The following PTP4A1 variants were observed in gnomAD, a reference collection of about 807,000 sequenced individuals.
PTP4A1 encodes protein tyrosine phosphatase 4A1.
Under a neutral mutation model 20.5 loss-of-function variants are expected in PTP4A1, and 9 were observed. The ratio of observed to expected loss-of-function variants is 0.44; its 90% CI spans 0.26 to 0.77. PTP4A1 has a LOEUF of 0.77. PTP4A1 is among the 30% of genes least tolerant of loss of function. The pLI is 0.19. For missense variants in PTP4A1, 137 were observed against 218.8 expected (o/e 0.63, Z 2.36); for synonymous variants, 78 against 67.4 (o/e 1.16, Z -0.77).
chr6:63,557,880 G>T (rs984727556), intron 3 of PTP4A1, among the ~76,000 whole-genome samples: 1 of 151,946 alleles, frequency 6.6e-6, no homozygotes, highest in Non-Finnish European at 1.5e-5. Flanking sequence ...TTTTTAAAAT[G>T]ATACTGAACA....
chr6:63,537,880 A>C (rs1184136893), intron 2 of PTP4A1, among the ~76,000 whole-genome samples: 1 of 152,170 alleles, frequency 6.6e-6, no homozygotes. Context: ...AGTGAGAGAG[A>C]AGTTGGGGAG....
chr6:63,542,335 G>A (rs182758964), intron 2 of PTP4A1, among the ~76,000 whole-genome samples: 5 of 151,884 alleles, frequency 3.3e-5, no homozygotes, highest in East Asian at 1.9e-4. Flanking sequence ...TATACTGCTC[G>A]GGTGATGGGT....
upstream of PTP4A1, among the ~76,000 whole-genome samples, chr6:63,518,591 C>T (rs1774814448): frequency 6.6e-6 from 1 of 152,098 alleles, no homozygotes; most frequent in Non-Finnish European, 1.5e-5. Context: ...AAATGTAATG[C>T]TCAGTGATGT....
intron 1 of PTP4A1, among the ~76,000 whole-genome samples, chr6:63,526,920 T>C (rs1775215065): frequency 6.6e-6 from 1 of 151,344 alleles, no homozygotes; most frequent in Admixed American, 6.6e-5. Flanking sequence ...GTTGGATTTA[T>C]ATGTAAGGGC....
chr6:63,547,508 T>C (rs1776248235), intron 2 of PTP4A1, among the ~76,000 whole-genome samples: 1 of 142,010 alleles, frequency 7.0e-6, no homozygotes, highest in South Asian at 2.3e-4. Context: ...ATTTTTTTTT[T>C]TTTTTTTTTT....
chr6:63,576,688 T>TA lies in PTP4A1; in HGVS notation c.-192dup. 3.3e-6 allele frequency: 2 copies of TA among 602,526 alleles called. No individual in the cohort carries two copies. Among genetic ancestry groups the TA allele is most frequent in the Non-Finnish European group, 2.9e-6 (1 of 343,360 alleles). 37.3% of individuals were successfully genotyped at this position (602,526 alleles called of 1,614,324 possible). A position where few individuals can be genotyped will look rare whatever the true frequency, so the allele number is the denominator to read the frequency against. Reference sequence around the variant, plus strand: ...ACTTCTTTTCTGTTGGCCTCAGTATTACTGGATTGAAGAATTGCTGCTTCT... The same window carrying TA: ...ACTTCTTTTCTGTTGGCCTCAGTATTAACTGGATTGAAGAATTGCTGCTTCT... On this transcript the variant is annotated 5_prime_UTR_variant, in exon 2 of 6. Coordinates refer to ENST00000626021, the MANE Select transcript of PTP4A1 (RefSeq NM_003463.5).
At chr6:63,551,464 C>T (rs1342446459) in intron 3 of PTP4A1, among the ~76,000 whole-genome samples, 1 of 152,178 alleles carries the variant, frequency 6.6e-6, no homozygotes, top group East Asian at 1.9e-4. Context: ...TATGCATTTT[C>T]ACCTATTTCT....
chr6:63,544,444 A>C (rs1349229379), intron 2 of PTP4A1, among the ~76,000 whole-genome samples: 1 of 152,172 alleles, frequency 6.6e-6, no homozygotes, highest in African/African-American at 2.4e-5. Flanking sequence ...ATTCTCTTAC[A>C]TAACTGCAGC....
intron 4 of PTP4A1, 80 bp downstream of exon 4, chr6:63,579,108 T>G (rs1458308231): frequency 7.1e-7 from 1 of 1,410,756 alleles, no homozygotes; most frequent in East Asian, 2.6e-5. Context: ...TTCTTATAAT[T>G]TTTTAATATA....
intron 3 of PTP4A1, among the ~76,000 whole-genome samples, chr6:63,555,340 A>G (rs1776633615): frequency 6.6e-6 from 1 of 152,216 alleles, no homozygotes; most frequent in Admixed American, 6.5e-5. Context: ...AGAATATTTA[A>G]TAATTCAATA....
intron 1 of PTP4A1, 29 bp downstream of exon 1, chr6:63,572,748 G>T: frequency 2.5e-6 from 1 of 398,306 alleles, no homozygotes; most frequent in Non-Finnish European, 4.4e-6. Flanking sequence ...GTCGCCTCTC[G>T]GGCTGGGAAT....
intron 2 of PTP4A1, among the ~76,000 whole-genome samples, chr6:63,530,755 AT>A (rs913040627): frequency 7.5e-4 from 114 of 152,330 alleles, no homozygotes; most frequent in South Asian, 4.1e-3. Flanking sequence ...ACCTGAATTC[AT>A]TTTTTCTTAT....
chr6:63,526,833 A>ATATATATATATATATATATT (rs1486980690), intron 1 of PTP4A1, among the ~76,000 whole-genome samples: 4 of 128,028 alleles, frequency 3.1e-5, no homozygotes, highest in African/African-American at 9.7e-5. Context: ...ATATATATAT[A>ATATATATATATATATATATT]TATTTATTTA....
intron 3 of PTP4A1, among the ~76,000 whole-genome samples, chr6:63,561,095 G>C (rs185765953): frequency 6.6e-6 from 1 of 152,140 alleles, no homozygotes; most frequent in African/African-American, 2.4e-5. Flanking sequence ...GTTTAGCAAA[G>C]AACCAGAGCA....
intron 1 of PTP4A1, chr6:63,573,600 TG>T (rs1250853020): frequency 1.3e-5 from 2 of 152,176 alleles, no homozygotes; most frequent in Non-Finnish European, 2.9e-5. Flanking sequence ...CGGGCCAGAG[TG>T]GGGTTCTGCT....
intron 1 of PTP4A1, 50 bp downstream of exon 1, chr6:63,572,769 C>T: frequency 2.5e-6 from 1 of 398,154 alleles, no homozygotes; most frequent in Non-Finnish European, 4.4e-6. Flanking sequence ...CCACGACCGG[C>T]CCCCCATCCC....
At chr6:63,552,080 A>C (rs527798507) in intron 3 of PTP4A1, among the ~76,000 whole-genome samples, 1 of 152,288 alleles carries the variant, frequency 6.6e-6, no homozygotes, top group Admixed American at 6.5e-5. Context: ...GCTGGGTCAA[A>C]TGGTATTTCT....
chr6:63,519,405 A>G (rs1774843924), upstream of PTP4A1, among the ~76,000 whole-genome samples: 1 of 152,178 alleles, frequency 6.6e-6, no homozygotes, highest in African/African-American at 2.4e-5. Flanking sequence ...TTTTGAAAAC[A>G]CTTCCTCTTT....
At chr6:63,576,291 T>C in intron 1 of PTP4A1, 145 bp from the exon 2 acceptor site, 1 of 385,356 alleles carries the variant, frequency 2.6e-6, no homozygotes, top group Non-Finnish European at 4.6e-6. Context: ...CCCTTGAGTT[T>C]TGCAATTCAA....
Sources: gnomAD v4.1 joint callset for allele counts (sites outside exome capture counted in the v4.1 genomes callset) on GRCh38, gnomAD v4.1.1 for gene constraint, MANE v1.5 for transcripts, NCBI Gene and HGNC (gene_info 2026-07-23, HGNC 2026-07-21) for gene names.